The following LARGE1 variants were observed in gnomAD, a reference collection of about 807,000 sequenced individuals.
The protein encoded by LARGE1 is xylosyl- and glucuronyltransferase LARGE1.
A neutral mutation model predicts 87.6 loss-of-function variants in LARGE1; 43 were observed. The ratio of observed to expected loss-of-function variants is 0.49; its 90% CI spans 0.38 to 0.63. The LOEUF is 0.63. LARGE1 is among the 30% of genes least tolerant of loss of function. LARGE1 has a pLI of 0.00. For synonymous variants in LARGE1, 434 were observed against 394.6 expected (o/e 1.10, Z -1.18); for missense variants, 802 against 1,000.2 (o/e 0.80, Z 2.67).
intron 6 of LARGE1, among the ~76,000 whole-genome samples, chr22:33,563,657 T>C (rs1291906370): frequency 6.6e-6 from 1 of 152,216 alleles, no homozygotes; most frequent in African/African-American, 2.4e-5. Flanking sequence ...TCCGTTTCTT[T>C]CTTTATGAAA....
At chr22:33,535,546 A>G (rs2077017920) in intron 6 of LARGE1, among the ~76,000 whole-genome samples, 1 of 150,690 alleles carries the variant, frequency 6.6e-6, no homozygotes, top group Middle Eastern at 3.4e-3. Flanking sequence ...TCCAAAAACA[A>G]AAGAAAAAAA....
At chr22:33,908,646 T>C (rs1471133557) in intron 1 of LARGE1, among the ~76,000 whole-genome samples, 2 of 152,136 alleles carry the variant, frequency 1.3e-5, no homozygotes, top group Non-Finnish European at 1.5e-5. Context: ...CAGGGGCTGA[T>C]GGTGAGCCAG....
At chr22:33,270,955 G>C (rs549551089), downstream of LARGE1, among the ~76,000 whole-genome samples, 23 of 152,304 alleles carry the variant, frequency 1.5e-4, 2 homozygotes, top group African/African-American at 3.8e-4. Flanking sequence ...CTCTACCTGA[G>C]CCATGTAATC....
intron 4 of LARGE1, 113 bp from the exon 5 acceptor site, chr22:33,604,671 T>C: frequency 7.3e-7 from 1 of 1,361,868 alleles, no homozygotes. Flanking sequence ...CTAACGGCAA[T>C]TGTGAAAGTA....
At chr22:33,658,408 T>A (rs992382669) in intron 2 of LARGE1, among the ~76,000 whole-genome samples, 1 of 152,196 alleles carries the variant, frequency 6.6e-6, no homozygotes, top group African/African-American at 2.4e-5. Flanking sequence ...AAGCCCAGCA[T>A]CCATTAGCTA....
At chr22:33,285,475 T>C (rs1931348011) in intron 12 of LARGE1, among the ~76,000 whole-genome samples, 1 of 151,914 alleles carries the variant, frequency 6.6e-6, no homozygotes, top group South Asian at 2.1e-4. Context: ...AATACAAAAA[T>C]TAGCCGGGCG....
chr22:33,392,830 T>A (rs1205171615), intron 7 of LARGE1, among the ~76,000 whole-genome samples: 1 of 152,214 alleles, frequency 6.6e-6, no homozygotes, highest in Non-Finnish European at 1.5e-5. Flanking sequence ...TTCTTTGTAA[T>A]CCACTGATTA....
chr22:33,239,380 T>C (rs1245425347), intron 11 of LARGE1, among the ~76,000 whole-genome samples: 3 of 152,168 alleles, frequency 2.0e-5, no homozygotes, highest in Non-Finnish European at 4.4e-5. Context: ...AGATTTTTGT[T>C]GTTGTTGTTT....
intron 4 of LARGE1, among the ~76,000 whole-genome samples, chr22:33,612,322 T>C (rs770320566): frequency 2.9e-4 from 44 of 152,324 alleles, no homozygotes; most frequent in Non-Finnish European, 5.6e-4. Context: ...CAGGCTGGTC[T>C]TGAACTCTTG....
intron 2 of LARGE1, among the ~76,000 whole-genome samples, chr22:33,730,853 C>T (rs987864885): frequency 2.6e-5 from 4 of 151,902 alleles, no homozygotes; most frequent in Non-Finnish European, 5.9e-5. Flanking sequence ...CCACCACACC[C>T]GGCTAATTTT....
At chr22:33,276,968 CT>C (rs1929428783) in intron 14 of LARGE1, 91 bp downstream of exon 14, 2 of 1,251,466 alleles carry the variant, frequency 1.6e-6, no homozygotes. Context: ...CCTCTTAGCT[CT>C]CTGCTTTCTT....
At chr22:33,453,901 G>A (rs535756129) in intron 6 of LARGE1, among the ~76,000 whole-genome samples, 3 of 151,890 alleles carry the variant, frequency 2.0e-5, no homozygotes, top group African/African-American at 2.4e-5. Context: ...TTATTTGAAT[G>A]TCTAATCAAT....
intron 1 of LARGE1, among the ~76,000 whole-genome samples, chr22:33,789,632 C>T (rs1160603666): frequency 6.6e-6 from 1 of 152,202 alleles, no homozygotes. Context: ...CTACCCAACT[C>T]CATGGGAGCC....
At chr22:33,630,688 A>C (rs906975882) in intron 3 of LARGE1, among the ~76,000 whole-genome samples, 1 of 152,196 alleles carries the variant, frequency 6.6e-6, no homozygotes, top group African/African-American at 2.4e-5. Flanking sequence ...GTGGTCAAAG[A>C]ATGTGAAGGC....
At chr22:33,091,955 A>G in the LARGE1 span, among the ~76,000 whole-genome samples, 2 of 152,144 alleles carry the variant, frequency 1.3e-5, no homozygotes, top group African/African-American at 2.4e-5. Context: ...GCTGGAGTGC[A>G]GTGGCGCAGT....
At chr22:33,664,801 G>C (rs549851043) in intron 2 of LARGE1, among the ~76,000 whole-genome samples, 2 of 152,222 alleles carry the variant, frequency 1.3e-5, no homozygotes, top group East Asian at 1.9e-4. Flanking sequence ...GAGGCGGAGG[G>C]TGAGCCAAGA....
chr22:33,877,836 C>T (rs1371336524), intron 1 of LARGE1, among the ~76,000 whole-genome samples: 5 of 151,782 alleles, frequency 3.3e-5, no homozygotes, highest in Non-Finnish European at 7.4e-5. Context: ...GCACAAGAAT[C>T]GCTTGAACCT....
chr22:33,519,231 C>CGTGTGTGT (rs769245398), intron 6 of LARGE1, among the ~76,000 whole-genome samples: 91 of 134,624 alleles, frequency 6.8e-4, no homozygotes, highest in African/African-American at 2.4e-3. Flanking sequence ...CGTGCGTGCG[C>CGTGTGTGT]GCGCGTGTGT....
At chr22:33,302,100 C>T (rs1249054948) in intron 12 of LARGE1, among the ~76,000 whole-genome samples, 1 of 152,220 alleles carries the variant, frequency 6.6e-6, no homozygotes, top group Non-Finnish European at 1.5e-5. Context: ...GTGGCACTCA[C>T]TCCCATCATC....
Sources: gnomAD v4.1 joint callset for allele counts (sites outside exome capture counted in the v4.1 genomes callset) on GRCh38, gnomAD v4.1.1 for gene constraint, MANE v1.5 for transcripts, NCBI Gene and HGNC (gene_info 2026-07-23, HGNC 2026-07-21) for gene names.